Variants in MTMR12 observed in about 807,000 individuals in gnomAD.
The protein encoded by MTMR12 is myotubularin related protein 12, also known as myotubularin-related protein 12.
MTMR12 carries 33 observed loss-of-function variants against 96.7 expected under a neutral mutation model. The ratio of observed to expected loss-of-function variants is 0.34; its 90% confidence interval spans 0.26 to 0.46. The LOEUF (loss-of-function observed/expected upper bound fraction) is 0.46. Ranked by LOEUF, MTMR12 falls within the 20% of genes least tolerant of loss-of-function variation. MTMR12 has a pLI of 1.00. For synonymous variants in MTMR12, 298 were observed against 327.2 expected (o/e 0.91, Z 0.96); for missense variants, 721 against 896.1 (o/e 0.80, Z 2.49).
chr5:32,240,637 G>A (rs1748432909), intron 12 of MTMR12, among the ~76,000 whole-genome samples: 1 of 152,150 alleles, frequency 6.6e-6, no homozygotes, highest in Non-Finnish European at 1.5e-5. Context: ...GTCTCACTCT[G>A]TCACCCAGGC....
intron 1 of MTMR12, among the ~76,000 whole-genome samples, chr5:32,291,043 G>A (rs1253909084): frequency 2.6e-5 from 4 of 152,202 alleles, no homozygotes; most frequent in Non-Finnish European, 5.9e-5. Context: ...GGCTCGAGCA[G>A]ATCTTGAAGG....
Position 32,228,533 on chromosome 5 carries a change from TGA to T in MTMR12, c.*1243_*1244del. The T allele has an allele frequency of 7.2e-6, 1 of 138,968 alleles. No homozygotes were observed. Among genetic ancestry groups the T allele is most frequent in the African/African-American group, 2.9e-5 (1 of 34,764 alleles). 8.6% of individuals were successfully genotyped at this position (138,968 alleles called of 1,614,324 possible). ...TTAAAAAAAATATATATCATATATA[TGA>T]TATATATATCATATATATGTGATAT... On this transcript the variant is annotated 3_prime_UTR_variant, in exon 16 of 16. Coordinates refer to ENST00000382142, the MANE Select transcript of MTMR12 (RefSeq NM_001040446.3).
Position 32,228,607 on chromosome 5 carries a change from T to TCA in MTMR12, c.*1169_*1170dup, listed in dbSNP as rs4031030. ...TATATATGTGATATATATATATATA[T>TCA]CATATATATGATATATATATATCAC... On this transcript the variant is annotated 3_prime_UTR_variant, in exon 16 of 16. Transcript: ENST00000382142. 15,771 of 116,106 alleles carry TCA rather than the reference T, an allele frequency of 0.14. 1,236 individuals carry two copies. Among genetic ancestry groups the TCA allele is most frequent in the East Asian group, 0.25 (975 of 3,856 alleles). The allele number at this position is 116,106 out of a possible 1,614,324, so 7.2% of individuals were successfully genotyped here. A position where few individuals can be genotyped will look rare whatever the true frequency, so the allele number is the denominator to read the frequency against.
chr5:32,310,852 T>C (rs1751556350), intron 1 of MTMR12, among the ~76,000 whole-genome samples: 1 of 151,958 alleles, frequency 6.6e-6, no homozygotes. Context: ...TCATGCATTG[T>C]ATGCCTGTAT....
At chr5:32,252,345 TTTATG>T (rs1232621290) in intron 8 of MTMR12, among the ~76,000 whole-genome samples, 1 of 152,190 alleles carries the variant, frequency 6.6e-6, no homozygotes, top group African/African-American at 2.4e-5. Context: ...TATGGGAAGT[TTTATG>T]TTATGTGTAT....
At chr5:32,253,522 T>A (rs140462608) in intron 8 of MTMR12, among the ~76,000 whole-genome samples, 56 of 152,334 alleles carry the variant, frequency 3.7e-4, no homozygotes, top group African/African-American at 1.3e-3. Flanking sequence ...TTCCATCTTG[T>A]GTAATACTTT....
Position 32,299,733 on chromosome 5 carries a change from G to A in MTMR12, c.81+13025C>T, listed in dbSNP as rs534508341. On this transcript the variant is annotated intron_variant, in intron 1 of 15. Coordinates refer to ENST00000382142, the MANE Select transcript of MTMR12 (RefSeq NM_001040446.3). ...TAGAATCTTGGAGATACTCCTGCAGGTCCGAGCAGCGACCCTTGGATTCTA... is the reference window on the plus strand; with the variant it reads ...TAGAATCTTGGAGATACTCCTGCAGATCCGAGCAGCGACCCTTGGATTCTA... 1.1e-3 allele frequency among the ~76,000 whole-genome samples: 170 copies of A among 152,304 alleles called. 1 individual carries two copies. Among genetic ancestry groups the A allele is most frequent in the Non-Finnish European group, 1.8e-3 (122 of 68,024 alleles).
At chr5:32,268,855 CAA>C in intron 5 of MTMR12, 61 bp from the exon 6 acceptor site, 3 of 1,382,606 alleles carry the variant, frequency 2.2e-6, no homozygotes, top group South Asian at 1.2e-5. Flanking sequence ...CTAACAAAGA[CAA>C]GAGTCAAGGT....
intron 3 of MTMR12, among the ~76,000 whole-genome samples, chr5:32,272,191 T>TGAGGCAGGAGAATGGCGTG (rs1253028765): frequency 6.6e-6 from 1 of 151,812 alleles, no homozygotes; most frequent in Non-Finnish European, 1.5e-5. Flanking sequence ...CTCGGGAGGC[T>TGAGGCAGGAGAATGGCGTG]GAGGCAGGAG....
At chr5:32,265,302 C>T (rs982134780) in intron 6 of MTMR12, among the ~76,000 whole-genome samples, 2 of 152,148 alleles carry the variant, frequency 1.3e-5, no homozygotes, top group Non-Finnish European at 2.9e-5. Context: ...ATAAAAGATG[C>T]TATTAATACA....
intron 10 of MTMR12, among the ~76,000 whole-genome samples, chr5:32,246,170 G>GTTTTTTTTTTTTTT (rs113738556): frequency 4.3e-4 from 36 of 82,818 alleles, no homozygotes; most frequent in Admixed American, 6.0e-4. Context: ...TGAGTAGACA[G>GTTTTTTTTTTTTTT]TTTTTTTTTT....
chr5:32,274,954 A>G (rs1749994227), intron 2 of MTMR12, among the ~76,000 whole-genome samples: 1 of 152,112 alleles, frequency 6.6e-6, no homozygotes, highest in Non-Finnish European at 1.5e-5. Context: ...AGAGAAGACT[A>G]TGGGGGAAAT....
chr5:32,280,210 G>T (rs967307704), intron 1 of MTMR12, among the ~76,000 whole-genome samples: 1 of 152,168 alleles, frequency 6.6e-6, no homozygotes, highest in Non-Finnish European at 1.5e-5. Flanking sequence ...ATCTTGAAAA[G>T]AACTAGGGTG....
At chr5:32,264,406 T>C (rs906545315) in intron 6 of MTMR12, among the ~76,000 whole-genome samples, 17 of 151,948 alleles carry the variant, frequency 1.1e-4, no homozygotes, top group Admixed American at 6.6e-5. Flanking sequence ...ATAATGATGA[T>C]GATAATAGTG....
At chr5:32,246,323 C>T (rs1748687626) in intron 10 of MTMR12, among the ~76,000 whole-genome samples, 1 of 152,072 alleles carries the variant, frequency 6.6e-6, no homozygotes. Flanking sequence ...CCACTACGTC[C>T]AGCTAATTTT....
chr5:32,309,605 T>G (rs1751499064), intron 1 of MTMR12: 1 of 152,104 alleles, frequency 6.6e-6, no homozygotes, highest in Non-Finnish European at 1.5e-5. Context: ...AAAAGGTACA[T>G]GAAAACGTGC....
intron 1 of MTMR12, among the ~76,000 whole-genome samples, chr5:32,305,546 T>C (rs1751318655): frequency 6.6e-6 from 1 of 152,190 alleles, no homozygotes; most frequent in East Asian, 1.9e-4. Context: ...CCAATAAAAA[T>C]CATCCCAATA....
intron 8 of MTMR12, among the ~76,000 whole-genome samples, chr5:32,250,995 CTTAT>C (rs768932286): frequency 2.0e-5 from 3 of 150,058 alleles, no homozygotes; most frequent in Non-Finnish European, 4.4e-5. Flanking sequence ...GTTTGTTAAT[CTTAT>C]TTGTTTTTTT....
intron 3 of MTMR12, among the ~76,000 whole-genome samples, chr5:32,273,274 G>A (rs548417797): frequency 7.2e-5 from 11 of 152,228 alleles, no homozygotes; most frequent in South Asian, 2.1e-4. Flanking sequence ...AATGTCACAC[G>A]CCTATGGTCC....
Sources: gnomAD v4.1 joint callset for allele counts (sites outside exome capture counted in the v4.1 genomes callset) on GRCh38, gnomAD v4.1.1 for gene constraint, MANE v1.5 for transcripts, NCBI Gene and HGNC (gene_info 2026-07-23, HGNC 2026-07-21) for gene names.